The following ZC3H18 variants were observed in gnomAD, a reference collection of about 807,000 sequenced individuals.
The protein encoded by ZC3H18 is zinc finger CCCH-type containing 18.
A neutral mutation model predicts 106.1 loss-of-function variants in ZC3H18; 8 were observed. The observed-to-expected ratio is 0.08, with a 90% CI of 0.04 to 0.14. The LOEUF (loss-of-function observed/expected upper bound fraction) is 0.14, where lower values mean the gene tolerates loss of function less well. ZC3H18 is among the 10% of genes least tolerant of loss of function. The pLI, the probability that ZC3H18 is intolerant of heterozygous loss-of-function variation, is 1.00. For missense variants in ZC3H18, 1,318 were observed against 1,278.4 expected, an observed-to-expected ratio of 1.03 and a Z score of -0.47; for synonymous variants, 635 against 522.1, an observed-to-expected ratio of 1.22 and a Z score of -2.95.
At chr16:88,625,414 G>T in intron 13 of ZC3H18, 147 bp downstream of exon 13, 1 of 949,990 alleles carries the variant, frequency 1.1e-6, no homozygotes, top group Non-Finnish European at 1.6e-6. Flanking sequence ...GGAAGGCTGC[G>T]GTTGAAGCTT....
intron 2 of ZC3H18, among the ~76,000 whole-genome samples, 184 bp downstream of exon 2, chr16:88,577,910 C>A (rs1471025149): frequency 6.6e-6 from 1 of 152,126 alleles, no homozygotes. Flanking sequence ...AGCCAGAAAT[C>A]GAGAATGAGC....
At chr16:88,576,789 C>A (rs557923978) in intron 1 of ZC3H18, among the ~76,000 whole-genome samples, 1 of 152,222 alleles carries the variant, frequency 6.6e-6, no homozygotes, top group Non-Finnish European at 1.5e-5. Flanking sequence ...CGATCCGTAT[C>A]GTTACTCACT....
chr16:88,625,824 C>G (rs1158428380), intron 13 of ZC3H18: 1 of 150,548 alleles, frequency 6.6e-6, no homozygotes, highest in African/African-American at 2.5e-5. Context: ...TAGACCCCAT[C>G]TCCACAGAAA....
chr16:88,598,101 CACCCCCCA>C, intron 3 of ZC3H18, 69 bp from the exon 4 acceptor site: 1 of 259,634 alleles, frequency 3.9e-6, no homozygotes, highest in Non-Finnish European at 7.6e-6. Flanking sequence ...TGCCCCCTCC[CACCCCCCA>C]CCCCAGCAGC....
chr16:88,625,112 C>A, intron 12 of ZC3H18, 90 bp from the exon 13 acceptor site: 1 of 1,456,434 alleles, frequency 6.9e-7, no homozygotes. Flanking sequence ...AGTCTGGAGG[C>A]TCACCTCACA....
At chr16:88,587,922 G>A (rs530193718) in intron 3 of ZC3H18, among the ~76,000 whole-genome samples, 19 of 152,312 alleles carry the variant, frequency 1.2e-4, no homozygotes, top group African/African-American at 2.9e-4. Context: ...TGGGAACCCC[G>A]GGTTAGGCTC....
intron 2 of ZC3H18, among the ~76,000 whole-genome samples, chr16:88,583,911 G>A (rs528251235): frequency 6.6e-5 from 10 of 152,120 alleles, no homozygotes; most frequent in Non-Finnish European, 1.5e-4. Flanking sequence ...GAAGGCCATC[G>A]GCGTGAGGGA....
rs1251978925 is a variant in ZC3H18 at position 88,611,487 on chromosome 16, C to T, written c.1426C>T (p.Arg476Trp). ...CCGTGACCGCGACCGGGAGAAGGAG[C>T]GGGAGAAGGAGAAGGGGAAGCCCAA... is the stretch of plus-strand genomic sequence containing the variant. ...QHRDRDREKEREKEKGKPKPR... is the reference protein window; with the variant it reads ...QHRDRDREKEWEKEKGKPKPR... Residue 476 changes from arginine to tryptophan, a missense_variant, in exon 8 of 18, where the codon CGG becomes TGG. Physicochemically the swap from Arg to Trp is moderately radical, Grantham distance 101. Transcript: ENST00000301011. 40 of 1,550,366 alleles carry T rather than the reference C, an allele frequency of 2.6e-5. No individual in the cohort carries two copies. Among genetic ancestry groups the T allele is most frequent in the Non-Finnish European group, 3.2e-5 (37 of 1,146,422 alleles).
rs974553713 is a variant in ZC3H18, at chr16:88,628,873, AG to A, written c.2566+24del. The stretch of plus-strand genomic sequence containing the variant: ...GACCGAGGTGAGCCTCCCAGCCCCT[AG>A]GGGGCAGGGCAGAGGGACGGGAGCC... On this transcript the variant is annotated intron_variant, in intron 16 of 17. Coordinates refer to ENST00000301011, the MANE Select transcript of ZC3H18 (RefSeq NM_144604.4). 1.9e-5 allele frequency: 31 copies of A among 1,612,966 alleles called. No homozygotes were observed. The highest frequency in any genetic ancestry group is 2.5e-5 in the Non-Finnish European group (30 of 1,179,156).
chr16:88,613,982 TG>T (rs1905423110), intron 8 of ZC3H18, among the ~76,000 whole-genome samples: 1 of 152,170 alleles, frequency 6.6e-6, no homozygotes, highest in African/African-American at 2.4e-5. Context: ...GTCTCAGGGT[TG>T]GTTTGTGTCA....
In ZC3H18 at chr16:88,577,387, G is replaced by C. The variant is rs772761564; in HGVS notation, c.264G>C (p.Leu88=). Residue 88 remains leucine (L), a synonymous_variant, in exon 2 of 18, where the codon CTG becomes CTC. Coordinates refer to ENST00000301011, the MANE Select transcript of ZC3H18 (RefSeq NM_144604.4). ...SQDQDSEVNE[L]SRGPTSSPCE... is the part of the protein sequence containing the mutation. ...ACCAGGACTCAGAGGTGAATGAGCTGAGCCGGGGCCCGACCAGCTCCCCCT... is the reference window on the plus strand; with the variant it reads ...ACCAGGACTCAGAGGTGAATGAGCTCAGCCGGGGCCCGACCAGCTCCCCCT... 27 of 1,597,044 alleles carry C rather than the reference G, an allele frequency of 1.7e-5. No individual in the cohort carries two copies. The highest frequency in any genetic ancestry group is 2.2e-5 in the Non-Finnish European group (26 of 1,169,844).
chr16:88,598,098 T>G, intron 3 of ZC3H18, 80 bp from the exon 4 acceptor site: 2 of 102,148 alleles, frequency 2.0e-5, no homozygotes, highest in Non-Finnish European at 1.9e-5. Context: ...CTCTGCCCCC[T>G]CCCACCCCCC....
chr16:88,580,920 G>A (rs1376234769), intron 2 of ZC3H18, among the ~76,000 whole-genome samples: 1 of 152,138 alleles, frequency 6.6e-6, no homozygotes. Flanking sequence ...ACTCTCTTTG[G>A]CCTGTACCTT....
intron 9 of ZC3H18, 155 bp downstream of exon 9, chr16:88,622,543 T>A: frequency 1.2e-6 from 1 of 808,972 alleles, no homozygotes; most frequent in East Asian, 2.7e-5. Context: ...ACCCGGCGTT[T>A]ATACCTTCAG....
chr16:88,615,424 C>T lies in ZC3H18; in HGVS notation c.1475+3888C>T, dbSNP rs926548910. On this transcript the variant is annotated intron_variant, in intron 8 of 17. Transcript: ENST00000301011. ...CCACCGTCTGCCCTGCTCCCCGTTG[C>T]AGCCTCTGTGCCTGTCCCAGAGTCC... Among the ~76,000 whole-genome samples, 4 of 152,246 alleles carry T rather than the reference C, an allele frequency of 2.6e-5. No homozygotes were observed. In the South Asian group the frequency reaches 8.3e-4, roughly 31 times the overall value.
intron 8 of ZC3H18, among the ~76,000 whole-genome samples, chr16:88,620,023 A>G (rs1246104481): frequency 1.3e-5 from 2 of 152,232 alleles, no homozygotes; most frequent in Admixed American, 6.5e-5. Flanking sequence ...GGGCTGACGT[A>G]CAGGAGCTGA....
chr16:88,598,113 C>T, intron 3 of ZC3H18, 65 bp from the exon 4 acceptor site: 1 of 380,678 alleles, frequency 2.6e-6, no homozygotes, highest in Non-Finnish European at 4.9e-6. Context: ...CCCCCCACCC[C>T]AGCAGCTGCC....
At chr16:88,607,404 C>CTT (rs978303487) in intron 6 of ZC3H18, among the ~76,000 whole-genome samples, 23 of 152,186 alleles carry the variant, frequency 1.5e-4, no homozygotes, top group South Asian at 4.1e-4. Context: ...TGTCTGGCTC[C>CTT]TTAAAGAAGC....
Position 88,631,652 on chromosome 16 carries a change from G to T in ZC3H18, c.*353G>T, listed in dbSNP as rs1221484840. The T allele has an allele frequency of 4.2e-6, 2 of 473,538 alleles. No individual in the cohort carries two copies. Among genetic ancestry groups the T allele is most frequent in the South Asian group, 1.5e-5 (1 of 64,694 alleles). 29.3% of individuals were successfully genotyped at this position (473,538 alleles called of 1,614,324 possible). A position where few individuals can be genotyped will look rare whatever the true frequency, so the allele number is the denominator to read the frequency against. On this transcript the variant is annotated 3_prime_UTR_variant, in exon 18 of 18. Coordinates refer to ENST00000301011, the MANE Select transcript of ZC3H18 (RefSeq NM_144604.4). ...GTGGAGCCCCAGCTCTGGGTCCCTA[G>T]CCCGGGTCCAGGCAGCCAGGCTCCC... is the stretch of plus-strand genomic sequence containing the variant.
Sources: allele counts gnomAD v4.1 joint callset (sites outside exome capture counted in the v4.1 genomes callset), GRCh38; gene constraint gnomAD v4.1.1; transcripts MANE v1.5; gene names NCBI Gene and HGNC (gene_info 2026-07-23, HGNC 2026-07-21).